H2BC5: variants seen among roughly 807,000 people sequenced by gnomAD.
H2BC5 encodes histone H2B type 1-D.
In H2BC5, 9 loss-of-function variants were observed where a neutral mutation model predicts 5.7. That is an observed-to-expected ratio of 1.57 (90% CI 0.95 to 2.74). The LOEUF is 2.74. Ranked by LOEUF, H2BC5 falls within the 30% of genes most tolerant of loss-of-function variation. The pLI, the probability that H2BC5 is intolerant of heterozygous loss-of-function variation, is 0.00. For synonymous variants in H2BC5, 133 were observed against 70.9 expected (o/e 1.88, Z -4.40); for missense variants, 175 against 168.8 (o/e 1.04, Z -0.20).
At chr6:26,168,068 C>T (rs1764460776) in intron 1 of H2BC5, among the ~76,000 whole-genome samples, 1 of 151,804 alleles carries the variant, frequency 6.6e-6, no homozygotes, top group Non-Finnish European at 1.5e-5. Context: ...CTTTCCAGGC[C>T]AAATTGATTC....
chr6:26,158,925 T>G (rs1764294449), downstream of H2BC5, among the ~76,000 whole-genome samples: 2 of 152,224 alleles, frequency 1.3e-5, no homozygotes, highest in African/African-American at 4.8e-5. Flanking sequence ...AGCACGAAAG[T>G]GCACGCTCTT....
At position 26,158,456 on chromosome 6, in the gene H2BC5, A is replaced by C. The variant is rs778356110; in HGVS notation, c.287A>C (p.Gln96Pro). ...KRSTITSREI[Q>P]TAVRLLLPGE... ...TCGACCATCACCTCCAGGGAGATCCAGACGGCCGTGCGCCTGCTGCTTCCG... is the reference window on the plus strand; with the variant it reads ...TCGACCATCACCTCCAGGGAGATCCCGACGGCCGTGCGCCTGCTGCTTCCG... Residue 96 changes from glutamine to proline, a missense_variant, in exon 1 of 1, where the codon CAG (glutamine) becomes CCG (proline). Around this residue, in one of 4 missense-constraint regions of H2BC5, gnomAD observed 43 missense variants for 37.7 expected, o/e 1.14. Coordinates refer to ENST00000377777, the MANE Select transcript of H2BC5 (RefSeq NM_021063.4). The C allele has an allele frequency of 1.2e-6, 2 of 1,614,270 alleles. No homozygotes were observed. The highest frequency in any genetic ancestry group is 1.1e-5 in the South Asian group (1 of 91,090).
chr6:26,163,087 C>T (rs1188023218), downstream of H2BC5, among the ~76,000 whole-genome samples: 2 of 150,926 alleles, frequency 1.3e-5, no homozygotes, highest in Non-Finnish European at 3.0e-5. Flanking sequence ...TGATTTTTTT[C>T]CATTTCTATT....
downstream of H2BC5, among the ~76,000 whole-genome samples, chr6:26,162,869 T>G (rs1764371787): frequency 6.6e-6 from 1 of 152,100 alleles, no homozygotes; most frequent in Admixed American, 6.6e-5. Flanking sequence ...TCTTTTAAGA[T>G]TTTTTATTAG....
intron 1 of H2BC5, among the ~76,000 whole-genome samples, chr6:26,167,872 CAT>C (rs1491135209): frequency 1.3e-5 from 2 of 151,798 alleles, no homozygotes; most frequent in South Asian, 2.1e-4. Flanking sequence ...GCTAGGGTAT[CAT>C]ATTTATTTAT....
At chr6:26,170,010 G>C (rs898911233) in intron 1 of H2BC5, among the ~76,000 whole-genome samples, 1 of 152,098 alleles carries the variant, frequency 6.6e-6, no homozygotes, top group Non-Finnish European at 1.5e-5. Flanking sequence ...AAACAAAAAG[G>C]GGACATGAGT....
rs141600148 is a variant in H2BC5, at chr6:26,158,334, C to T, written c.165C>T (p.Ile55=). The part of the protein sequence containing the change: ...VLKQVHPDTG[I]SSKAMGIMNS... The stretch of plus-strand genomic sequence containing the variant: ...AGCAGGTCCATCCCGACACCGGCAT[C>T]TCTTCCAAGGCAATGGGGATCATGA... Residue 55 remains isoleucine (I), a synonymous_variant, in exon 1 of 1, where the codon ATC becomes ATT. Transcript: ENST00000377777. 6.0e-4 allele frequency: 974 copies of T among 1,614,274 alleles called. 2 individuals are homozygous for T. Among genetic ancestry groups the T allele is most frequent in the Middle Eastern group, 3.6e-3 (22 of 6,062 alleles).
At chr6:26,167,744 C>A (rs1278893215) in intron 1 of H2BC5, among the ~76,000 whole-genome samples, 2 of 151,780 alleles carry the variant, frequency 1.3e-5, no homozygotes, top group South Asian at 2.1e-4. Context: ...ACTTCAGGCA[C>A]GTTGATAGTA....
chr6:26,158,657 G>T, downstream of H2BC5: 1 of 1,502,070 alleles, frequency 6.7e-7, no homozygotes, highest in Non-Finnish European at 9.0e-7. Flanking sequence ...GGGGGTTATT[G>T]GACTTAGCAC....
At chr6:26,165,513 C>T (rs1764408284) in intron 1 of H2BC5, among the ~76,000 whole-genome samples, 1 of 152,082 alleles carries the variant, frequency 6.6e-6, no homozygotes, top group Non-Finnish European at 1.5e-5. Flanking sequence ...TGCATCCTAC[C>T]CATGAAACCC....
At chr6:26,161,564 A>G (rs1423830897), downstream of H2BC5, among the ~76,000 whole-genome samples, 1 of 152,132 alleles carries the variant, frequency 6.6e-6, no homozygotes, top group Non-Finnish European at 1.5e-5. Flanking sequence ...TGAGCCCAGG[A>G]GTTGGAGACC....
At chr6:26,161,942 AAAT>A (rs1411058549), downstream of H2BC5, among the ~76,000 whole-genome samples, 1 of 152,202 alleles carries the variant, frequency 6.6e-6, no homozygotes. Context: ...TAATAATTAA[AAAT>A]AATATAAGAA....
intron 1 of H2BC5, among the ~76,000 whole-genome samples, chr6:26,170,741 C>T (rs1561971912): frequency 6.6e-6 from 1 of 152,102 alleles, no homozygotes; most frequent in Non-Finnish European, 1.5e-5. Context: ...GAATCCCACC[C>T]AAGAAGGGTA....
intron 1 of H2BC5, among the ~76,000 whole-genome samples, chr6:26,170,191 C>G (rs1764497057): frequency 6.6e-6 from 1 of 152,116 alleles, no homozygotes; most frequent in Non-Finnish European, 1.5e-5. Context: ...CCCTTCTATC[C>G]TCATTCTTAA....
intron 1 of H2BC5, among the ~76,000 whole-genome samples, chr6:26,166,908 C>G (rs149327514): frequency 6.6e-6 from 1 of 151,532 alleles, no homozygotes; most frequent in Non-Finnish European, 1.5e-5. Flanking sequence ...ACCATGTTGA[C>G]GAGGCTGGTC....
exon 2 of H2BC5, chr6:26,171,301 C>T (rs1764510391): frequency 6.6e-6 from 1 of 151,858 alleles, no homozygotes; most frequent in Non-Finnish European, 1.5e-5. Flanking sequence ...GATGGCAGGA[C>T]GTCTGAAAAA....
At chr6:26,170,876 T>C (rs537926988) in intron 1 of H2BC5, 1 of 152,344 alleles carries the variant, frequency 6.6e-6, no homozygotes, top group South Asian at 2.1e-4. Context: ...TAGTTCATTA[T>C]AGAAGCACAT....
chr6:26,168,120 G>A (rs1228952977), intron 1 of H2BC5, among the ~76,000 whole-genome samples: 1 of 151,724 alleles, frequency 6.6e-6, no homozygotes, highest in Admixed American at 6.6e-5. Flanking sequence ...GTACTTTGTG[G>A]TAATTATGCT....
downstream of H2BC5, among the ~76,000 whole-genome samples, chr6:26,161,637 T>C (rs547047014): frequency 2.1e-4 from 32 of 152,186 alleles, no homozygotes; most frequent in Admixed American, 3.3e-4. Flanking sequence ...CCAGGCATGG[T>C]GGTGCGTGCT....
Sources: gnomAD v4.1 joint callset for allele counts (sites outside exome capture counted in the v4.1 genomes callset) on GRCh38, gnomAD v4.1.1 for gene constraint, gnomAD v4.1.1 regional missense constraint, MANE v1.5 for transcripts, NCBI Gene and HGNC (gene_info 2026-07-23, HGNC 2026-07-21) for gene names.